RGPD3: variants seen among roughly 807,000 people sequenced by gnomAD.
The protein encoded by RGPD3 is RANBP2 like and GRIP domain containing 3.
In RGPD3, 62 loss-of-function variants were observed where a neutral mutation model predicts 154.5. That is an observed-to-expected ratio of 0.40 (90% CI 0.33 to 0.50). The LOEUF (loss-of-function observed/expected upper bound fraction) is 0.50. RGPD3 is among the 20% of genes least tolerant of loss of function. RGPD3 has a pLI of 0.59. For synonymous variants in RGPD3, 308 were observed against 607.0 expected (o/e 0.51, Z 7.24); for missense variants, 919 against 1,716.8 (o/e 0.54, Z 8.21).
Position 106,403,581 on chromosome 2 carries a change from A to G in RGPD3, c.*1638T>C, listed in dbSNP as rs1676423931. Among the ~76,000 whole-genome samples, 2 of 152,286 alleles carry G rather than the reference A, an allele frequency of 1.3e-5. No individual in the cohort carries two copies. The highest frequency in any genetic ancestry group is 2.4e-5 in the African/African-American group (1 of 41,486). On this transcript the variant is annotated 3_prime_UTR_variant, in exon 23 of 23. Transcript: ENST00000409886. Reference sequence around the variant, plus strand: ...AAAACAAGTTTATACAGACTTCAAAAGGTCTCAAGTCAAAGAGAAAGTGAA... The same window carrying G: ...AAAACAAGTTTATACAGACTTCAAAGGGTCTCAAGTCAAAGAGAAAGTGAA...
intron 1 of RGPD3, among the ~76,000 whole-genome samples, chr2:106,465,817 G>A (rs1678557475): frequency 6.6e-6 from 1 of 151,616 alleles, no homozygotes; most frequent in African/African-American, 2.4e-5. Flanking sequence ...GAGTGGAGCT[G>A]GACCCTTACA....
chr2:106,417,697 T>C (rs1324759412), intron 20 of RGPD3, among the ~76,000 whole-genome samples: 1 of 151,024 alleles, frequency 6.6e-6, no homozygotes, highest in Non-Finnish European at 1.5e-5. Context: ...AAAGGTTAAG[T>C]ATGAGATTGT....
At chr2:106,466,097 C>T (rs28478157) in intron 1 of RGPD3, among the ~76,000 whole-genome samples, 4,451 of 146,872 alleles carry the variant, frequency 0.03, 138 homozygotes, top group Non-Finnish European at 0.046. Context: ...AGAACTAGGC[C>T]GCGCGGGTAC....
rs752280139 is a variant in RGPD3 at position 106,424,819 on chromosome 2, G to T, written c.3148C>A (p.Leu1050Ile). The change falls in exon 20 of 23, where the codon CTT becomes ATT. Residue 1050 changes from leucine (L) to isoleucine (I), a missense_variant. Coordinates refer to ENST00000409886, the MANE Select transcript of RGPD3 (RefSeq NM_001144013.2). ...PVVQMPEKVE[L>I]VTGEEGEKVL... is the part of the protein sequence containing the mutation. ...TTTTCACCTTCTTCTCCTGTTACAA[G>T]TTCTACTTTTTCAGGCATTTGAACT... The T allele has an allele frequency of 6.2e-7, 1 of 1,611,478 alleles. No homozygotes were observed. Among genetic ancestry groups the T allele is most frequent in the African/African-American group, 1.3e-5 (1 of 74,716 alleles).
chr2:106,414,691 C>A (rs1676770484), intron 21 of RGPD3, among the ~76,000 whole-genome samples: 1 of 150,372 alleles, frequency 6.7e-6, no homozygotes, highest in African/African-American at 2.4e-5. Flanking sequence ...GATTTGTTAG[C>A]TATGATAATG....
chr2:106,468,130 G>A (rs1012837483), intron 1 of RGPD3, 87 bp downstream of exon 1: 1 of 1,494,136 alleles, frequency 6.7e-7, no homozygotes, highest in Non-Finnish European at 9.0e-7. Flanking sequence ...GAGCCATGAC[G>A]CCTGAGCCAT....
intron 21 of RGPD3, among the ~76,000 whole-genome samples, chr2:106,413,535 A>G (rs1229559496): frequency 6.6e-6 from 1 of 152,216 alleles, no homozygotes; most frequent in Non-Finnish European, 1.5e-5. Context: ...TCAAAGCTGC[A>G]TTTGCCTAGA....
chr2:106,411,691 A>G (rs1014066545), intron 22 of RGPD3, among the ~76,000 whole-genome samples: 12 of 151,674 alleles, frequency 7.9e-5, no homozygotes, highest in Non-Finnish European at 1.0e-4. Flanking sequence ...GCTGGCGTGC[A>G]TCTGTAGTCT....
At chr2:106,463,187 A>G (rs1333481825) in intron 1 of RGPD3, among the ~76,000 whole-genome samples, 1 of 148,624 alleles carries the variant, frequency 6.7e-6, no homozygotes, top group Non-Finnish European at 1.5e-5. Flanking sequence ...CAAAATTGCG[A>G]AAAAAATTAT....
At chr2:106,412,751 T>G in intron 22 of RGPD3, 1 of 499,122 alleles carries the variant, frequency 2.0e-6, no homozygotes, top group Non-Finnish European at 3.8e-6. Flanking sequence ...AACAAGCTAA[T>G]AAATGTTTTT....
Position 106,465,976 on chromosome 2 carries a change from A to G in RGPD3, c.72+2241T>C, listed in dbSNP as rs1385621731. Among the ~76,000 whole-genome samples, 4 of 152,016 alleles carry G rather than the reference A, an allele frequency of 2.6e-5. No individual in the cohort carries two copies. The East Asian group carries it at 7.8e-4, about 30-fold the overall frequency. On this transcript the variant is annotated intron_variant, in intron 1 of 22. Coordinates refer to ENST00000409886, the MANE Select transcript of RGPD3 (RefSeq NM_001144013.2). ...CTCACCCGGAGCTGCGTCAGTCCCC[A>G]CTGGGTTCCTCCAGGCCAAGGAGGT...
intron 17 of RGPD3, among the ~76,000 whole-genome samples, 157 bp downstream of exon 17, chr2:106,432,778 T>TAAA (rs71272785): frequency 2.5e-4 from 19 of 76,084 alleles, no homozygotes; most frequent in African/African-American, 8.6e-4. Flanking sequence ...GACCCTGCCT[T>TAAA]AAAAAAAAAA....
At chr2:106,462,707 G>A (rs931068680) in intron 1 of RGPD3, among the ~76,000 whole-genome samples, 4 of 151,822 alleles carry the variant, frequency 2.6e-5, no homozygotes, top group African/African-American at 9.7e-5. Flanking sequence ...AAATTCAAAC[G>A]GAGTCTCGCT....
At chr2:106,468,624 G>C (rs935042704), upstream of RGPD3, among the ~76,000 whole-genome samples, 3 of 151,946 alleles carry the variant, frequency 2.0e-5, no homozygotes, top group Non-Finnish European at 1.5e-5. Flanking sequence ...TGGCCAACAT[G>C]GTGAAAGCCC....
intron 20 of RGPD3, among the ~76,000 whole-genome samples, chr2:106,416,322 G>A (rs1436461648): frequency 4.2e-4 from 59 of 142,052 alleles, no homozygotes; most frequent in African/African-American, 1.1e-3. Context: ...GTCATTTCAC[G>A]TATAAGGAAA....
At chr2:106,420,090 C>T (rs1002235894) in intron 20 of RGPD3, among the ~76,000 whole-genome samples, 2 of 142,748 alleles carry the variant, frequency 1.4e-5, no homozygotes, top group African/African-American at 5.1e-5. Flanking sequence ...AATCTTAAAA[C>T]ATAAGCAAGT....
rs866504271 is a variant in RGPD3, at chr2:106,424,629, C to T, written c.3338G>A (p.Trp1113Ter). Reference protein sequence around the residue: ...EQVLKVCANHWITTTMNLKPL... With the variant: ...EQVLKVCANH ...CTTCAGGTTCATTGTAGTCGTTATC[C>T]AATGATTAGCACACACTTTTAGTAC... is the stretch of plus-strand genomic sequence containing the variant. The change falls in exon 20 of 23, where the codon TGG (tryptophan) becomes TAG (stop). Residue 1113 changes from tryptophan (W) to a stop codon, truncating the protein, a stop_gained. Transcript: ENST00000409886. LOFTEE classifies it high-confidence loss of function. The T allele has an allele frequency of 1.9e-6, 3 of 1,611,884 alleles. No individual in the cohort carries two copies. The highest frequency in any genetic ancestry group is 4.5e-5 in the East Asian group (2 of 44,854).
rs577357263 is a variant in RGPD3 at position 106,462,232 on chromosome 2, A to G, written c.73-2900T>C. 4.6e-5 allele frequency among the ~76,000 whole-genome samples: 7 copies of G among 151,794 alleles called. No homozygotes were observed. The East Asian group carries it at 1.4e-3, about 29-fold the overall frequency. On this transcript the variant is annotated intron_variant, in intron 1 of 22. Transcript: ENST00000409886. Reference sequence around the variant, plus strand: ...TAGATTCAAGGTACAATGCCAAAACATAATAGAAAAATAATTCCATTACCT... The same window carrying G: ...TAGATTCAAGGTACAATGCCAAAACGTAATAGAAAAATAATTCCATTACCT...
At position 106,436,440 on chromosome 2, in the gene RGPD3, A is replaced by C; in HGVS notation, c.1608T>G (p.Val536=). The C allele has an allele frequency of 1.9e-6, 3 of 1,598,094 alleles. No individual in the cohort carries two copies. Among genetic ancestry groups the C allele is most frequent in the Non-Finnish European group, 2.6e-6 (3 of 1,172,006 alleles). ...CTGCTTTTCTGTGAATCAGAGTACA[A>C]ACCGCATCCCACCAAGATTTTTGTC... ...TERQKSWWDA[V]CTLIHRKAVP... Residue 536 remains valine, a synonymous_variant, in exon 11 of 23, where the codon GTT becomes GTG. Coordinates refer to ENST00000409886, the MANE Select transcript of RGPD3 (RefSeq NM_001144013.2).
Sources: gnomAD v4.1 joint callset for allele counts (sites outside exome capture counted in the v4.1 genomes callset) on GRCh38, gnomAD v4.1.1 for gene constraint, MANE v1.5 for transcripts, NCBI Gene and HGNC (gene_info 2026-07-23, HGNC 2026-07-21) for gene names.